DYM: variants seen among roughly 807,000 people sequenced by gnomAD.
DYM encodes the protein dyggve-Melchior-Clausen syndrome protein.
In DYM, 78 loss-of-function variants were observed where a neutral mutation model predicts 93.1. The observed-to-expected ratio is 0.84, with a 90% CI of 0.70 to 1.01. The LOEUF is 1.01. Ranked by LOEUF, DYM falls within the 50% of genes least tolerant of loss-of-function variation. The probability of loss-of-function intolerance (pLI) is 0.00; values close to 1 mark genes in which losing one functional copy is unlikely to be tolerated. For missense variants in DYM, 789 were observed against 845.0 expected (o/e 0.93, Z 0.82); for synonymous variants, 321 against 319.7 (o/e 1.00, Z -0.04).
intron 2 of DYM, among the ~76,000 whole-genome samples, chr18:49,415,878 G>A (rs2148265926): frequency 1.3e-5 from 2 of 151,264 alleles, no homozygotes; most frequent in East Asian, 3.9e-4. Flanking sequence ...AGTGAGCCAA[G>A]GTCGTGCCAC....
At chr18:49,075,070 G>T (rs1441799786) in intron 17 of DYM, among the ~76,000 whole-genome samples, 1 of 152,168 alleles carries the variant, frequency 6.6e-6, no homozygotes, top group Non-Finnish European at 1.5e-5. Context: ...CCAGAATCAG[G>T]AGGCCAGGAA....
At position 49,460,636 on chromosome 18, in the gene DYM, G is replaced by A. The variant is rs550117641; in HGVS notation, c.-292C>T. 6.6e-6 allele frequency: 1 copy of A among 152,314 alleles called. No individual in the cohort carries two copies. The highest frequency in any genetic ancestry group is 2.1e-4 in the South Asian group (1 of 4,826). The allele number at this position is 152,314 out of a possible 1,614,324, so 9.4% of individuals were successfully genotyped here. A position where few individuals can be genotyped will look rare whatever the true frequency, so the allele number is the denominator to read the frequency against. On this transcript the variant is annotated 5_prime_UTR_variant, in exon 1 of 18. Transcript: ENST00000675505. ...CGGTGCGGAGGCCAGGAGGCGGCGA[G>A]AGAAGAGGGAAGCGACCGAGAACGC...
intron 8 of DYM, among the ~76,000 whole-genome samples, chr18:49,305,867 G>A (rs943190737): frequency 2.0e-5 from 3 of 152,086 alleles, no homozygotes; most frequent in African/African-American, 7.2e-5. Context: ...AATGATTCAT[G>A]ACAAAGTAAC....
At chr18:49,361,144 G>A (rs2065980571) in intron 6 of DYM, among the ~76,000 whole-genome samples, 1 of 152,130 alleles carries the variant, frequency 6.6e-6, no homozygotes, top group African/African-American at 2.4e-5. Flanking sequence ...AGAATGGAAG[G>A]GGAGAAAGGA....
At chr18:49,310,875 T>C (rs1360901058) in intron 8 of DYM, among the ~76,000 whole-genome samples, 1 of 152,208 alleles carries the variant, frequency 6.6e-6, no homozygotes, top group Non-Finnish European at 1.5e-5. Context: ...TGTTAAATTT[T>C]CTAGTAGCCA....
At chr18:49,425,475 T>C (rs12967546) in intron 2 of DYM, among the ~76,000 whole-genome samples, 83,317 of 151,816 alleles carry the variant, frequency 0.55, 24,293 homozygotes, top group Non-Finnish European at 0.66. Context: ...ATTCAGGACA[T>C]AGGCATGGGC....
At chr18:49,239,780 G>C (rs1034852785) in intron 13 of DYM, among the ~76,000 whole-genome samples, 3 of 152,238 alleles carry the variant, frequency 2.0e-5, no homozygotes, top group African/African-American at 7.2e-5. Flanking sequence ...ACCACAAGTA[G>C]AGAATCAGTT....
chr18:49,349,940 G>A (rs2064962037), intron 6 of DYM, among the ~76,000 whole-genome samples: 1 of 152,114 alleles, frequency 6.6e-6, no homozygotes, highest in Admixed American at 6.5e-5. Context: ...CTGGGTGACA[G>A]AGACCCTGTC....
chr18:49,219,292 A>C lies in DYM; in HGVS notation c.1461-9577T>G, dbSNP rs1247059734. ...GCTTACCAACCAAAAAGAGTCCAGG[A>C]CCAGATGGATTCACAGCCAAATTCT... On this transcript the variant is annotated intron_variant, in intron 13 of 17. Coordinates refer to ENST00000675505, the MANE Select transcript of DYM (RefSeq NM_001353214.3). 3.3e-5 allele frequency among the ~76,000 whole-genome samples: 5 copies of C among 152,222 alleles called. No individual in the cohort carries two copies. The East Asian group carries it at 7.7e-4, about 23-fold the overall frequency.
At chr18:49,324,177 C>T (rs1325994613) in intron 8 of DYM, among the ~76,000 whole-genome samples, 1 of 109,498 alleles carries the variant, frequency 9.1e-6, no homozygotes, top group African/African-American at 3.4e-5. Flanking sequence ...AAATCTTTAA[C>T]ACGGCAGGGT....
At chr18:49,255,357 GAC>G (rs2094370245) in intron 13 of DYM, among the ~76,000 whole-genome samples, 1 of 152,102 alleles carries the variant, frequency 6.6e-6, no homozygotes, top group South Asian at 2.1e-4. Context: ...CAGCCTGGTT[GAC>G]AGAGTGAAAC....
chr18:49,170,310 G>A (rs1159643718), intron 14 of DYM, among the ~76,000 whole-genome samples: 1 of 152,094 alleles, frequency 6.6e-6, no homozygotes, highest in Non-Finnish European at 1.5e-5. Flanking sequence ...AAATCTTCTA[G>A]GAAACCTACA....
chr18:49,135,759 T>G (rs1008629004), intron 15 of DYM, among the ~76,000 whole-genome samples: 2 of 152,260 alleles, frequency 1.3e-5, no homozygotes, highest in Admixed American at 1.3e-4. Flanking sequence ...TGAAATGCTC[T>G]AAGCTGTGAA....
intron 17 of DYM, among the ~76,000 whole-genome samples, chr18:49,066,121 G>A (rs973642191): frequency 3.3e-5 from 5 of 149,726 alleles, no homozygotes; most frequent in East Asian, 2.1e-4. Flanking sequence ...AAAAGTAATC[G>A]CGTTTTTTGC....
intron 15 of DYM, among the ~76,000 whole-genome samples, chr18:49,150,148 CAT>C (rs1469515562): frequency 6.6e-6 from 1 of 152,196 alleles, no homozygotes; most frequent in African/African-American, 2.4e-5. Flanking sequence ...AGTTACTTCA[CAT>C]AGAGGTTTAA....
chr18:49,399,216 C>T (rs1326411173), intron 2 of DYM, among the ~76,000 whole-genome samples: 2 of 152,116 alleles, frequency 1.3e-5, no homozygotes, highest in African/African-American at 4.8e-5. Context: ...AGGATGTGCA[C>T]TCAACGTACC....
chr18:49,418,077 AAAG>A (rs1295346744), intron 2 of DYM: 2 of 151,934 alleles, frequency 1.3e-5, no homozygotes, highest in African/African-American at 4.8e-5. Flanking sequence ...AAAAAAAAAA[AAAG>A]ATTATAAGCC....
chr18:49,202,333 C>T (rs946634579), intron 14 of DYM, among the ~76,000 whole-genome samples: 25 of 151,974 alleles, frequency 1.6e-4, no homozygotes, highest in Non-Finnish European at 2.9e-4. Context: ...GGCGTGATCT[C>T]GGCTCACTAC....
intron 8 of DYM, chr18:49,321,151 ATT>A: frequency 2.6e-6 from 1 of 378,458 alleles, no homozygotes; most frequent in Non-Finnish European, 4.7e-6. Context: ...CAATTTTAAT[ATT>A]CTCACTTTTA....
Sources: allele counts gnomAD v4.1 joint callset (sites outside exome capture counted in the v4.1 genomes callset), GRCh38; gene constraint gnomAD v4.1.1; transcripts MANE v1.5; gene names NCBI Gene and HGNC (gene_info 2026-07-23, HGNC 2026-07-21).